Variants in CEP170 observed in about 807,000 individuals in gnomAD.
CEP170 encodes the protein centrosomal protein 170, also known as centrosomal protein of 170 kDa.
In CEP170, 21 loss-of-function variants were observed where a neutral mutation model predicts 151.9. The observed-to-expected ratio is 0.14, with a 90% CI of 0.10 to 0.20. CEP170 has a LOEUF of 0.20. CEP170 is among the 10% of genes least tolerant of loss of function. The pLI is 1.00. For missense variants in CEP170, 964 were observed against 1,892.9 expected, an observed-to-expected ratio of 0.51 and a Z score of 9.11; for synonymous variants, 356 against 648.8, an observed-to-expected ratio of 0.55 and a Z score of 6.86.
At chr1:243,157,571 A>G (rs1464883085) in intron 13 of CEP170, among the ~76,000 whole-genome samples, 1 of 152,236 alleles carries the variant, frequency 6.6e-6, no homozygotes, top group Non-Finnish European at 1.5e-5. Context: ...AGTGAAAAGC[A>G]TTAAATGTTA....
At chr1:243,149,680 G>A (rs2056877155) in intron 14 of CEP170, among the ~76,000 whole-genome samples, 1 of 152,112 alleles carries the variant, frequency 6.6e-6, no homozygotes, top group Non-Finnish European at 1.5e-5. Flanking sequence ...TATTATCAAA[G>A]CTCACCTCCA....
intron 16 of CEP170, among the ~76,000 whole-genome samples, chr1:243,138,882 T>C (rs1459353928): frequency 6.6e-6 from 1 of 152,166 alleles, no homozygotes; most frequent in Non-Finnish European, 1.5e-5. Context: ...TAGGAGATAG[T>C]GTCAAACTGT....
intron 11 of CEP170, among the ~76,000 whole-genome samples, chr1:243,170,651 G>A (rs71253656): frequency 6.6e-6 from 1 of 152,082 alleles, no homozygotes; most frequent in Non-Finnish European, 1.5e-5. Flanking sequence ...AAAATTAGCC[G>A]GGCGTGGTGG....
At chr1:243,203,453 A>G (rs535616552) in intron 4 of CEP170, among the ~76,000 whole-genome samples, 1 of 152,312 alleles carries the variant, frequency 6.6e-6, no homozygotes, top group Admixed American at 6.5e-5. Context: ...GTGTTCTTAG[A>G]TACGGTTCCT....
chr1:243,129,876 A>G lies in CEP170; in HGVS notation c.4320-423T>C, dbSNP rs1202384066. 2.6e-5 allele frequency among the ~76,000 whole-genome samples: 4 copies of G among 152,172 alleles called. No homozygotes were observed. In the South Asian group the frequency reaches 8.3e-4, roughly 32 times the overall value. ...GGAGAGGGAGAGAGAGAGAGAGAAAAAAAAAGACCACATTCACATAACTTT... is the reference window on the plus strand; with the variant it reads ...GGAGAGGGAGAGAGAGAGAGAGAAAGAAAAAGACCACATTCACATAACTTT... On this transcript the variant is annotated intron_variant, in intron 17 of 19. Coordinates refer to ENST00000366542, the MANE Select transcript of CEP170 (RefSeq NM_014812.3).
At chr1:243,243,981 AT>A (rs1308242592) in intron 1 of CEP170, among the ~76,000 whole-genome samples, 8 of 152,150 alleles carry the variant, frequency 5.3e-5, no homozygotes, top group African/African-American at 1.9e-4. Context: ...CAGTATGTTC[AT>A]TTTTTAACTG....
Position 243,199,207 on chromosome 1 carries a change from G to A in CEP170, c.497-13C>T, listed in dbSNP as rs369887914. ...ATAGCAGAAATATCTGGAAAGAGGT[G>A]GGAAAAATCTGTCTAAAGCAGATGA... On this transcript the variant is annotated splice_polypyrimidine_tract_variant and intron_variant, in intron 6 of 19. Coordinates refer to ENST00000366542, the MANE Select transcript of CEP170 (RefSeq NM_014812.3). The A allele has an allele frequency of 1.4e-5, 22 of 1,605,448 alleles. No homozygotes were observed. The highest frequency in any genetic ancestry group is 1.8e-5 in the Non-Finnish European group (21 of 1,175,634).
At chr1:243,240,608 T>C (rs992717140) in intron 1 of CEP170, among the ~76,000 whole-genome samples, 3 of 149,184 alleles carry the variant, frequency 2.0e-5, no homozygotes, top group African/African-American at 7.4e-5. Flanking sequence ...ACTTATAATG[T>C]AACTGGTAAG....
At position 243,186,047 on chromosome 1, in the gene CEP170, C is replaced by G; in HGVS notation, c.1298G>C (p.Gly433Ala). 1.2e-6 allele frequency: 2 copies of G among 1,613,724 alleles called. No individual in the cohort carries two copies. Among genetic ancestry groups the G allele is most frequent in the Non-Finnish European group, 1.7e-6 (2 of 1,179,696 alleles). ...CAATTTCCCATGTGGAACACCATGC[C>G]CCCCTCTGTGATGCGCAGAGCTAGT... Reference protein sequence around the residue: ...AVTSSAHHRGGHGVPHGKLLK... With the variant: ...AVTSSAHHRGAHGVPHGKLLK... Residue 433 changes from glycine (G) to alanine (A), a missense_variant, in exon 10 of 20, where the codon GGG becomes GCG. Coordinates refer to ENST00000366542, the MANE Select transcript of CEP170 (RefSeq NM_014812.3).
intron 10 of CEP170, among the ~76,000 whole-genome samples, chr1:243,175,898 G>A (rs1446073470): frequency 2.0e-5 from 3 of 152,130 alleles, no homozygotes; most frequent in African/African-American, 7.2e-5. Context: ...CCGGGTTCAC[G>A]CCATTCTCCT....
At chr1:243,180,925 A>G (rs950454155) in intron 10 of CEP170, among the ~76,000 whole-genome samples, 6 of 152,316 alleles carry the variant, frequency 3.9e-5, no homozygotes, top group African/African-American at 1.4e-4. Context: ...AGATATATTG[A>G]CACAATGAAC....
intron 1 of CEP170, among the ~76,000 whole-genome samples, chr1:243,242,230 T>C (rs1045474815): frequency 2.0e-5 from 3 of 152,156 alleles, no homozygotes; most frequent in Non-Finnish European, 4.4e-5. Flanking sequence ...TGTTCTTTTT[T>C]CTTTTTTTGG....
At position 243,255,229 on chromosome 1, in the gene CEP170, CAT is replaced by C. The variant is rs2066526260; in HGVS notation, c.-233_-232del. 1 of 152,826 alleles carries C rather than the reference CAT, an allele frequency of 6.5e-6. No individual in the cohort carries two copies. The highest frequency in any genetic ancestry group is 2.1e-4 in the South Asian group (1 of 4,842). The allele number at this position is 152,826 out of a possible 1,614,324, so 9.5% of individuals were successfully genotyped here. A position where few individuals can be genotyped will look rare whatever the true frequency, so the allele number is the denominator to read the frequency against. ...AACGTTATTCCACACACGCCCCACACATAGCGGTAACGGCAAAGACCGACTGC... is the reference window on the plus strand; with the variant it reads ...AACGTTATTCCACACACGCCCCACACAGCGGTAACGGCAAAGACCGACTGC... On this transcript the variant is annotated 5_prime_UTR_variant, in exon 1 of 20. The change abolishes an upstream ATG in the 5' untranslated region. Transcript: ENST00000366542.
intron 1 of CEP170, among the ~76,000 whole-genome samples, chr1:243,237,412 G>C (rs1021379254): frequency 6.6e-6 from 1 of 152,086 alleles, no homozygotes; most frequent in Non-Finnish European, 1.5e-5. Context: ...TATATGGCTA[G>C]TGGCACTCTA....
At chr1:243,154,557 T>G (rs1385031022) in intron 14 of CEP170, among the ~76,000 whole-genome samples, 1 of 152,214 alleles carries the variant, frequency 6.6e-6, no homozygotes, top group Non-Finnish European at 1.5e-5. Flanking sequence ...CTAGAAAGTA[T>G]AACTTGAAAA....
chr1:243,243,251 A>C (rs112617764), intron 1 of CEP170, among the ~76,000 whole-genome samples: 14 of 152,244 alleles, frequency 9.2e-5, no homozygotes, highest in African/African-American at 3.4e-4. Flanking sequence ...AAAGAGTCAT[A>C]GGGTAAAACA....
rs1297968017 is a variant in CEP170, at chr1:243,139,975, A to C, written c.4192T>G (p.Leu1398Val). The change falls in exon 16 of 20, where the codon TTA (leucine) becomes GTA (valine). Residue 1398 changes from leucine (L) to valine (V), a missense_variant. Transcript: ENST00000366542. ...CAGGTTCTCCGCCTTGTAATTGTTA[A>C]GTGATCGGGAGGCTCTGCTGCTTGA... Reference protein sequence around the residue: ...RPQAAEPPDHLTITRRRTWSR... With the variant: ...RPQAAEPPDHVTITRRRTWSR... 1.9e-6 allele frequency: 3 copies of C among 1,613,084 alleles called. No homozygotes were observed. The Admixed American group carries it at 5.0e-5, about 27-fold the overall frequency.
chr1:243,148,161 A>C (rs936457298), intron 14 of CEP170, among the ~76,000 whole-genome samples: 1 of 152,148 alleles, frequency 6.6e-6, no homozygotes, highest in Admixed American at 6.5e-5. Context: ...CCTGGGCAAC[A>C]GAATGTGAGA....
chr1:243,159,977 C>A (rs3015159), intron 13 of CEP170, among the ~76,000 whole-genome samples: 1 of 152,026 alleles, frequency 6.6e-6, no homozygotes, highest in Non-Finnish European at 1.5e-5. Flanking sequence ...TTAGTAGAGA[C>A]GGAGTTTCAC....
Sources: allele counts gnomAD v4.1 joint callset (sites outside exome capture counted in the v4.1 genomes callset), GRCh38; gene constraint gnomAD v4.1.1; transcripts MANE v1.5; gene names NCBI Gene and HGNC (gene_info 2026-07-23, HGNC 2026-07-21).